The following MPP7 variants were observed in gnomAD, a reference collection of about 807,000 sequenced individuals.
The protein encoded by MPP7 is MAGUK p55 subfamily member 7.
A neutral mutation model predicts 76.5 loss-of-function variants in MPP7; 60 were observed. That is an observed-to-expected ratio of 0.78 (90% CI 0.64 to 0.97). The LOEUF (loss-of-function observed/expected upper bound fraction) is 0.97. Ranked by LOEUF, MPP7 falls within the 50% of genes least tolerant of loss-of-function variation. MPP7 has a pLI of 0.00. For missense variants in MPP7, 641 were observed against 694.0 expected, an observed-to-expected ratio of 0.92 and a Z score of 0.86; for synonymous variants, 237 against 244.5, an observed-to-expected ratio of 0.97 and a Z score of 0.29.
At chr10:28,122,129 T>C (rs1834862058) in intron 8 of MPP7, among the ~76,000 whole-genome samples, 1 of 152,238 alleles carries the variant, frequency 6.6e-6, no homozygotes. Context: ...CATACTGTAA[T>C]ACTGAATTAC....
intron 12 of MPP7, among the ~76,000 whole-genome samples, chr10:28,085,251 G>A (rs1852949100): frequency 6.6e-6 from 1 of 152,108 alleles, no homozygotes; most frequent in Middle Eastern, 3.2e-3. Context: ...TCTTAGACAA[G>A]TTACCTACTT....
intron 1 of MPP7, among the ~76,000 whole-genome samples, chr10:28,277,729 G>A (rs924704835): frequency 2.0e-5 from 3 of 152,084 alleles, no homozygotes; most frequent in African/African-American, 7.3e-5. Flanking sequence ...TAGGTCAGAA[G>A]TGAGCATAAT....
chr10:28,106,582 CA>C (rs1354668409), intron 11 of MPP7, among the ~76,000 whole-genome samples: 1 of 152,190 alleles, frequency 6.6e-6, no homozygotes, highest in Non-Finnish European at 1.5e-5. Flanking sequence ...GAATCATTTA[CA>C]GTTAACCACA....
intron 2 of MPP7, among the ~76,000 whole-genome samples, chr10:28,328,969 T>G (rs1834446015): frequency 6.6e-6 from 1 of 152,240 alleles, no homozygotes; most frequent in Admixed American, 6.5e-5. Flanking sequence ...ACACATTTTA[T>G]TTTTATTGTG....
At chr10:28,213,374 A>T (rs1428300120) in intron 2 of MPP7, among the ~76,000 whole-genome samples, 1 of 152,244 alleles carries the variant, frequency 6.6e-6, no homozygotes, top group Admixed American at 6.5e-5. Context: ...CAGATGCCCC[A>T]CGTGGGGCAA....
At chr10:28,301,005 G>C (rs1841142824) in intron 1 of MPP7, among the ~76,000 whole-genome samples, 1 of 151,174 alleles carries the variant, frequency 6.6e-6, no homozygotes, top group Non-Finnish European at 1.5e-5. Flanking sequence ...TCATGTTCCT[G>C]ATAACTAGTA....
intron 1 of MPP7, among the ~76,000 whole-genome samples, chr10:28,274,443 A>G (rs1452777611): frequency 2.6e-5 from 4 of 152,126 alleles, no homozygotes; most frequent in African/African-American, 9.7e-5. Flanking sequence ...AAAGCTCCCT[A>G]AACTCTGCCC....
intron 1 of MPP7, among the ~76,000 whole-genome samples, chr10:28,298,691 C>T (rs1200172682): frequency 6.6e-6 from 1 of 152,224 alleles, no homozygotes; most frequent in Non-Finnish European, 1.5e-5. Flanking sequence ...AGGTGAAGCA[C>T]TGACTTCCTT....
intron 11 of MPP7, among the ~76,000 whole-genome samples, chr10:28,099,071 A>G (rs893415463): frequency 2.0e-5 from 3 of 152,170 alleles, no homozygotes; most frequent in African/African-American, 7.2e-5. Context: ...AATTTTAATG[A>G]TCTCACTTTT....
intron 12 of MPP7, among the ~76,000 whole-genome samples, chr10:28,084,170 A>T (rs1852896377): frequency 6.6e-6 from 1 of 152,242 alleles, no homozygotes; most frequent in Non-Finnish European, 1.5e-5. Context: ...AGAAAGATTA[A>T]GAGGAAACCA....
intron 3 of MPP7, among the ~76,000 whole-genome samples, chr10:28,181,475 A>T (rs1432314060): frequency 6.6e-6 from 1 of 152,256 alleles, no homozygotes; most frequent in African/African-American, 2.4e-5. Context: ...ATCAAACTAC[A>T]TTCATCAATT....
At chr10:28,085,623 C>T (rs750585179) in intron 12 of MPP7, among the ~76,000 whole-genome samples, 4 of 152,132 alleles carry the variant, frequency 2.6e-5, no homozygotes, top group Non-Finnish European at 5.9e-5. Context: ...AAGCACCTAT[C>T]AAAGGCAATA....
intron 1 of MPP7, among the ~76,000 whole-genome samples, chr10:28,262,999 T>C (rs1840040173): frequency 6.6e-6 from 1 of 152,096 alleles, no homozygotes; most frequent in Admixed American, 6.5e-5. Context: ...GAGGCTGCAG[T>C]GAGCTGAGTT....
At chr10:28,106,369 ATTTC>A (rs1259759189) in intron 11 of MPP7, among the ~76,000 whole-genome samples, 2 of 152,168 alleles carry the variant, frequency 1.3e-5, no homozygotes. Flanking sequence ...GCCTGTAACA[ATTTC>A]TAGGTAGTCC....
intron 2 of MPP7, among the ~76,000 whole-genome samples, chr10:28,211,922 T>C (rs1387229263): frequency 2.0e-5 from 3 of 151,958 alleles, no homozygotes; most frequent in South Asian, 4.2e-4. Flanking sequence ...CAGAGTTTTG[T>C]GTAAAGGGGT....
chr10:28,158,963 T>C (rs1468722155), intron 3 of MPP7, among the ~76,000 whole-genome samples: 2 of 151,340 alleles, frequency 1.3e-5, no homozygotes, highest in South Asian at 2.1e-4. Flanking sequence ...ATTGGGGGAG[T>C]AGGGGTAAAA....
At chr10:28,313,000 G>A (rs996516975) in intron 2 of MPP7, among the ~76,000 whole-genome samples, 2 of 152,146 alleles carry the variant, frequency 1.3e-5, no homozygotes, top group African/African-American at 4.8e-5. Context: ...ACACAGAGGG[G>A]ATGTTTCCAG....
At position 28,326,170 on chromosome 10, in the gene MPP7, C is replaced by T. The variant is rs78337254; in HGVS notation, c.-132+3759G>A. Among the ~76,000 whole-genome samples the T allele has an allele frequency of 2.0e-3, 299 of 152,182 alleles. 1 individual carries two copies. The highest frequency in any genetic ancestry group is 6.7e-3 in the African/African-American group (280 of 41,516). On this transcript the variant is annotated intron_variant, in intron 2 of 11. Transcript: ENST00000441595. ...GGGTAGACGTGATAATGCAGAGAAA[C>T]GTTTTTCAGGTGTGAAAATCTCTTA...
rs201989373 is a variant in MPP7, at chr10:28,238,732, G to A, written c.-128C>T. ...CCAAGATCTGTATATTTTGTAAGCC[G>A]TTTCTAGAAAGGAAAGAAACATTTA... On this transcript the variant is annotated 5_prime_UTR_variant, in exon 2 of 17. The change creates a new upstream start codon in the 5' untranslated region. Transcript: ENST00000683449. The A allele has an allele frequency of 2.2e-5, 19 of 860,416 alleles. No homozygotes were observed. The highest frequency in any genetic ancestry group is 5.0e-5 in the East Asian group (2 of 40,386). 53.3% of individuals were successfully genotyped at this position (860,416 alleles called of 1,614,324 possible). A position where few individuals can be genotyped will look rare whatever the true frequency, so the allele number is the denominator to read the frequency against.
Sources: gnomAD v4.1 joint callset for allele counts (sites outside exome capture counted in the v4.1 genomes callset) on GRCh38, gnomAD v4.1.1 for gene constraint, MANE v1.5 for transcripts, NCBI Gene and HGNC (gene_info 2026-07-23, HGNC 2026-07-21) for gene names.